AGL: variants seen among roughly 807,000 people sequenced by gnomAD.
AGL encodes amylo-alpha-1,6-glucosidase and 4-alpha-glucanotransferase, also known as glycogen debranching enzyme.
A neutral mutation model predicts 199.3 loss-of-function variants in AGL; 128 were observed. That is an observed-to-expected ratio of 0.64 (90% CI 0.56 to 0.74). AGL has a LOEUF of 0.74. Among genes scored for constraint, AGL ranks in the 30% least tolerant of loss-of-function variants. AGL has a pLI of 0.00. For synonymous variants in AGL, 584 were observed against 594.7 expected (o/e 0.98, Z 0.26); for missense variants, 1,809 against 1,820.8 (o/e 0.99, Z 0.12).
At chr1:99,876,712 C>T (rs1651567666) in intron 11 of AGL, 115 bp downstream of exon 11, 1 of 1,260,160 alleles carries the variant, frequency 7.9e-7, no homozygotes, top group African/African-American at 1.5e-5. Context: ...TTAAATATTT[C>T]ACCATAAAGG....
At position 99,922,721 on chromosome 1, in the gene AGL, A is replaced by AT. The variant is rs1570528573; in HGVS notation, c.*1076dup. 1 of 151,996 alleles carries AT rather than the reference A, an allele frequency of 6.6e-6. No homozygotes were observed. Among genetic ancestry groups the AT allele is most frequent in the African/African-American group, 2.4e-5 (1 of 41,426 alleles). 9.4% of individuals were successfully genotyped at this position (151,996 alleles called of 1,614,324 possible). A position where few individuals can be genotyped will look rare whatever the true frequency, so the allele number is the denominator to read the frequency against. On this transcript the variant is annotated 3_prime_UTR_variant, in exon 34 of 34. Transcript: ENST00000361915. ...TCATAGAACTTATTTCCTAGATAGA[A>AT]TTTTTTACTGTTTTTTACTGTTTTC... is the stretch of plus-strand genomic sequence containing the variant.
intron 30 of AGL, 62 bp downstream of exon 30, chr1:99,913,800 T>C: frequency 6.7e-7 from 1 of 1,489,842 alleles, no homozygotes; most frequent in Non-Finnish European, 9.4e-7. Flanking sequence ...CTTAGTTCCT[T>C]ATTCCCATTT....
intron 33 of AGL, among the ~76,000 whole-genome samples, chr1:99,921,225 T>C (rs1215501867): frequency 2.0e-5 from 3 of 152,172 alleles, no homozygotes; most frequent in Admixed American, 6.6e-5. Context: ...TTGAGTCTCA[T>C]AAACAAAATT....
At chr1:99,893,931 C>G (rs1653102662) in intron 24 of AGL, among the ~76,000 whole-genome samples, 1 of 151,964 alleles carries the variant, frequency 6.6e-6, no homozygotes, top group South Asian at 2.1e-4. Context: ...ACCTGTAATC[C>G]CAACACTTTG....
At chr1:99,868,522 G>A (rs1650722235) in intron 5 of AGL, among the ~76,000 whole-genome samples, 1 of 152,150 alleles carries the variant, frequency 6.6e-6, no homozygotes, top group African/African-American at 2.4e-5. Flanking sequence ...TGAGGCAGGA[G>A]AATCACTTGA....
intron 17 of AGL, among the ~76,000 whole-genome samples, chr1:99,881,936 C>T (rs1265179302): frequency 6.6e-6 from 1 of 151,708 alleles, no homozygotes; most frequent in Non-Finnish European, 1.5e-5. Flanking sequence ...AGTTCAAGAC[C>T]AGTCTCAGCA....
intron 25 of AGL, 119 bp from the exon 26 acceptor site, chr1:99,900,517 A>G: frequency 2.2e-6 from 2 of 927,360 alleles, no homozygotes; most frequent in South Asian, 1.4e-5. Flanking sequence ...TGAAAATATA[A>G]AGAAATAGGG....
intron 28 of AGL, 87 bp downstream of exon 28, chr1:99,910,934 A>C: frequency 7.1e-7 from 1 of 1,399,964 alleles, no homozygotes; most frequent in Middle Eastern, 1.8e-4. Context: ...TTAACTATGA[A>C]CTCTTTACAT....
intron 7 of AGL, 127 bp downstream of exon 7, chr1:99,870,996 T>C: frequency 1.5e-6 from 1 of 666,100 alleles, no homozygotes; most frequent in Non-Finnish European, 2.6e-6. Context: ...ATTGTTGATA[T>C]TATAAAACTG....
chr1:99,854,347 A>C (rs1557739832), intron 2 of AGL, among the ~76,000 whole-genome samples: 1 of 152,270 alleles, frequency 6.6e-6, no homozygotes, highest in Non-Finnish European at 1.5e-5. Context: ...TGAAGGATTT[A>C]TGAAAAAAGA....
chr1:99,859,907 T>C (rs1375166663), intron 2 of AGL, among the ~76,000 whole-genome samples: 1 of 152,246 alleles, frequency 6.6e-6, no homozygotes, highest in Non-Finnish European at 1.5e-5. Flanking sequence ...TTTACCATAA[T>C]TTATTTAATC....
In AGL at chr1:99,861,641, AAG is replaced by A. The variant is rs767346840; in HGVS notation, c.223_224del (p.Asp75Ter). On this transcript the variant is annotated frameshift_variant, in exon 3 of 34. Transcript: ENST00000361915. LOFTEE classifies it high-confidence loss of function. ...GATTGGGAAAATCCAACAGAAAGAG[AAG>A]ATGATTCTGATAAATACTGTAAACT... 4 of 1,613,394 alleles carry A rather than the reference AAG, an allele frequency of 2.5e-6. No individual in the cohort carries two copies. Among genetic ancestry groups the A allele is most frequent in the Non-Finnish European group, 3.4e-6 (4 of 1,179,512 alleles).
intron 4 of AGL, 42 bp from the exon 5 acceptor site, chr1:99,864,344 T>C: frequency 6.6e-7 from 1 of 1,521,976 alleles, no homozygotes. Flanking sequence ...CTGGTTTTGT[T>C]TGTTTGTTTT....
chr1:99,899,542 T>TCTC (rs1557778884), intron 25 of AGL, among the ~76,000 whole-genome samples: 1 of 75,674 alleles, frequency 1.3e-5, no homozygotes, highest in Non-Finnish European at 2.8e-5. Flanking sequence ...CTCTCTCTCT[T>TCTC]TCTCTCTCTC....
chr1:99,903,923 A>G (rs934376190), intron 27 of AGL, among the ~76,000 whole-genome samples: 41 of 152,128 alleles, frequency 2.7e-4, no homozygotes, highest in Non-Finnish European at 5.9e-4. Context: ...TGTTGGCTGC[A>G]TAGATGTCTT....
intron 21 of AGL, among the ~76,000 whole-genome samples, chr1:99,890,482 ACATG>A: frequency 6.6e-6 from 1 of 152,116 alleles, no homozygotes; most frequent in Non-Finnish European, 1.5e-5. Context: ...GTTTCTCAAA[ACATG>A]CTACATACCT....
intron 7 of AGL, 98 bp downstream of exon 7, chr1:99,870,967 A>T: frequency 1.4e-6 from 1 of 740,092 alleles, no homozygotes; most frequent in Non-Finnish European, 2.3e-6. Context: ...TAAATATGTC[A>T]TTGTATTATA....
At chr1:99,915,940 C>T (rs895851343) in intron 31 of AGL, among the ~76,000 whole-genome samples, 26 of 152,068 alleles carry the variant, frequency 1.7e-4, no homozygotes, top group South Asian at 1.0e-3. Context: ...ATTTGTAATC[C>T]GATAATAGGC....
chr1:99,912,776 A>G, intron 29 of AGL, among the ~76,000 whole-genome samples: 1 of 152,200 alleles, frequency 6.6e-6, no homozygotes, highest in Non-Finnish European at 1.5e-5. Flanking sequence ...TGACTGAGCA[A>G]GTTGCATTTC....
Sources: gnomAD v4.1 joint callset for allele counts (sites outside exome capture counted in the v4.1 genomes callset) on GRCh38, gnomAD v4.1.1 for gene constraint, MANE v1.5 for transcripts, NCBI Gene and HGNC (gene_info 2026-07-23, HGNC 2026-07-21) for gene names.